The following BAZ2B variants were observed in gnomAD, a reference collection of about 807,000 sequenced individuals.
The protein encoded by BAZ2B is bromodomain adjacent to zinc finger domain 2B.
Under a neutral mutation model 246.0 loss-of-function variants are expected in BAZ2B, and 91 were observed. The observed-to-expected ratio is 0.37, with a 90% CI of 0.31 to 0.44. The LOEUF is 0.44. Ranked by LOEUF, BAZ2B falls within the 20% of genes least tolerant of loss-of-function variation. The pLI is 1.00. For synonymous variants in BAZ2B, 855 were observed against 860.0 expected (o/e 0.99, Z 0.10); for missense variants, 2,332 against 2,533.7 (o/e 0.92, Z 1.71).
chr2:159,326,131 T>C (rs973598873), intron 34 of BAZ2B, among the ~76,000 whole-genome samples: 4 of 152,202 alleles, frequency 2.6e-5, no homozygotes, highest in Admixed American at 2.0e-4. Flanking sequence ...TCTATTCATC[T>C]TAAGAATTCT....
chr2:159,539,010 G>C (rs1449528036), intron 2 of BAZ2B, among the ~76,000 whole-genome samples: 2 of 152,158 alleles, frequency 1.3e-5, no homozygotes, highest in Non-Finnish European at 2.9e-5. Flanking sequence ...TGCAGCATCA[G>C]CATCACTGTT....
Position 159,478,612 on chromosome 2 carries a change from A to T in BAZ2B, c.108T>A (p.Thr36=). Residue 36 remains threonine (T), a synonymous_variant, in exon 3 of 37, where the codon ACT becomes ACA. Transcript: ENST00000392783. ...ASVVSKGGLS[T]GVASLSSTIN... Reference sequence around the variant, plus strand: ...TTGTAGAGCTAAGTGAAGCAACTCCAGTGGAAAGGCCACCTTTTGAAACTA... The same window carrying T: ...TTGTAGAGCTAAGTGAAGCAACTCCTGTGGAAAGGCCACCTTTTGAAACTA... 1 of 1,612,018 alleles carries T rather than the reference A, an allele frequency of 6.2e-7. No homozygotes were observed. Among genetic ancestry groups the T allele is most frequent in the Non-Finnish European group, 8.5e-7 (1 of 1,178,794 alleles).
intron 2 of BAZ2B, among the ~76,000 whole-genome samples, chr2:159,534,624 TTTC>T (rs2085732164): frequency 1.3e-5 from 2 of 151,798 alleles, no homozygotes; most frequent in South Asian, 2.1e-4. Context: ...CCAAACATAA[TTTC>T]TTCTTTTTTT....
chr2:159,557,222 T>A (rs2151478374), intron 1 of BAZ2B, among the ~76,000 whole-genome samples: 1 of 58,138 alleles, frequency 1.7e-5, no homozygotes, highest in Middle Eastern at 0.011. Flanking sequence ...GCTAATTAAT[T>A]TTTTTTTTTT....
the BAZ2B span, among the ~76,000 whole-genome samples, chr2:159,624,981 G>A: frequency 3.3e-5 from 5 of 151,640 alleles, no homozygotes; most frequent in South Asian, 4.2e-4. Flanking sequence ...TTTAGAGAAC[G>A]TAAATGATCT....
chr2:159,667,539 T>C, the BAZ2B span, among the ~76,000 whole-genome samples: 1 of 151,798 alleles, frequency 6.6e-6, no homozygotes, highest in African/African-American at 2.4e-5. Context: ...GAGGTTGCAG[T>C]GAGGTAAGAT....
chr2:159,618,407 A>G (rs1334701850), upstream of BAZ2B, among the ~76,000 whole-genome samples: 1 of 152,160 alleles, frequency 6.6e-6, no homozygotes, highest in African/African-American at 2.4e-5. Context: ...ATTAACTCAT[A>G]TTTAATTAAC....
chr2:159,324,140 A>G (rs78883577), intron 36 of BAZ2B, among the ~76,000 whole-genome samples: 5,926 of 150,544 alleles, frequency 0.039, 202 homozygotes, highest in East Asian at 0.14. Context: ...GGAAGAACTA[A>G]ATAATATACT....
the BAZ2B span, among the ~76,000 whole-genome samples, chr2:159,688,126 A>G: frequency 1.3e-5 from 2 of 152,062 alleles, no homozygotes. Flanking sequence ...TGCCACCTTG[A>G]TCTCCCTGAC....
At chr2:159,641,066 T>C in the BAZ2B span, among the ~76,000 whole-genome samples, 4 of 152,128 alleles carry the variant, frequency 2.6e-5, no homozygotes. Context: ...TTGCAGAAAT[T>C]CAAAGGATCA....
chr2:159,416,624 C>T (rs1353620418), intron 13 of BAZ2B, among the ~76,000 whole-genome samples: 1 of 152,116 alleles, frequency 6.6e-6, no homozygotes, highest in East Asian at 1.9e-4. Flanking sequence ...CTTTTCTTAT[C>T]CAATTTTTAC....
upstream of BAZ2B, chr2:159,617,110 C>G (rs1055114774): frequency 1.3e-5 from 2 of 152,040 alleles, no homozygotes; most frequent in African/African-American, 4.8e-5. Context: ...GTTATATGCA[C>G]ACACTGTAAA....
the BAZ2B span, chr2:159,694,698 G>T: frequency 6.6e-6 from 1 of 152,136 alleles, no homozygotes; most frequent in Non-Finnish European, 1.5e-5. Flanking sequence ...TATTCCACTG[G>T]ATGGATATAC....
chr2:159,516,974 A>T (rs1216837042), intron 2 of BAZ2B, among the ~76,000 whole-genome samples: 1 of 152,178 alleles, frequency 6.6e-6, no homozygotes, highest in East Asian at 1.9e-4. Context: ...CCTGCCAAAA[A>T]TAAAGAAAAG....
intron 1 of BAZ2B, among the ~76,000 whole-genome samples, chr2:159,604,461 T>C (rs1190255398): frequency 1.3e-5 from 2 of 152,182 alleles, no homozygotes; most frequent in Non-Finnish European, 2.9e-5. Flanking sequence ...AATATTTTGA[T>C]ACTCAAATAG....
At chr2:159,525,312 A>G (rs527951577) in intron 2 of BAZ2B, among the ~76,000 whole-genome samples, 15 of 152,308 alleles carry the variant, frequency 9.8e-5, no homozygotes, top group African/African-American at 3.4e-4. Context: ...AAGCTCCCTA[A>G]TAACAGGAAT....
the BAZ2B span, among the ~76,000 whole-genome samples, chr2:159,622,971 CAAAAAA>C: frequency 1.4e-5 from 1 of 70,620 alleles, no homozygotes; most frequent in Non-Finnish European, 3.0e-5. Context: ...GACCCTGTCT[CAAAAAA>C]AAAAAAAAGA....
At position 159,426,545 on chromosome 2, in the gene BAZ2B, A is replaced by T. The variant is rs190240341; in HGVS notation, c.2466+1396T>A. Among the ~76,000 whole-genome samples the T allele has an allele frequency of 1.5e-4, 23 of 152,216 alleles. No individual in the cohort carries two copies. The South Asian group carries it at 1.9e-3, about 12-fold the overall frequency. On this transcript the variant is annotated intron_variant, in intron 13 of 36. Coordinates refer to ENST00000392783, the MANE Select transcript of BAZ2B (RefSeq NM_013450.4). ...GTCTAAGTCAAAATCTTTAGTTTTT[A>T]AAAAAATAGAAAACCCTAGAATATA...
At chr2:159,638,479 G>A in the BAZ2B span, among the ~76,000 whole-genome samples, 1 of 152,188 alleles carries the variant, frequency 6.6e-6, no homozygotes, top group African/African-American at 2.4e-5. Context: ...CTGTTGTGAG[G>A]AAGCTTCAAA....
Sources: gnomAD v4.1 joint callset for allele counts (sites outside exome capture counted in the v4.1 genomes callset) on GRCh38, gnomAD v4.1.1 for gene constraint, MANE v1.5 for transcripts, NCBI Gene and HGNC (gene_info 2026-07-23, HGNC 2026-07-21) for gene names.